The following FYB2 variants were observed in gnomAD, a reference collection of about 807,000 sequenced individuals.
FYB2 encodes the protein FYN binding protein 2, also known as FYN-binding protein 2.
In FYB2, 103 loss-of-function variants were observed where a neutral mutation model predicts 94.1. The ratio of observed to expected loss-of-function variants is 1.09; its 90% confidence interval spans 0.93 to 1.29. The LOEUF (loss-of-function observed/expected upper bound fraction) is 1.29. FYB2 is among the 50% of genes most tolerant of loss of function. The pLI, the probability that FYB2 is intolerant of heterozygous loss-of-function variation, is 0.00. For missense variants in FYB2, 896 were observed against 841.5 expected (o/e 1.06, Z -0.80); for synonymous variants, 293 against 287.9 (o/e 1.02, Z -0.18).
chr1:56,726,824 T>C (rs1268894160), intron 15 of FYB2, among the ~76,000 whole-genome samples: 1 of 152,106 alleles, frequency 6.6e-6, no homozygotes, highest in Non-Finnish European at 1.5e-5. Flanking sequence ...TGGCAGGCCA[T>C]ATTTGGTCCT....
chr1:56,787,299 T>C (rs776327964), intron 3 of FYB2, 91 bp from the exon 4 acceptor site: 406 of 1,479,912 alleles, frequency 2.7e-4, no homozygotes, highest in Non-Finnish European at 3.7e-4. Flanking sequence ...ATCCCACAGA[T>C]AATGTGGAGA....
At chr1:56,785,154 C>T (rs534100723) in intron 4 of FYB2, among the ~76,000 whole-genome samples, 1 of 152,278 alleles carries the variant, frequency 6.6e-6, no homozygotes, top group East Asian at 1.9e-4. Flanking sequence ...ACTAATGGGC[C>T]ATCACAGCAA....
At chr1:56,784,828 T>C (rs899367958) in intron 4 of FYB2, among the ~76,000 whole-genome samples, 15 of 152,152 alleles carry the variant, frequency 9.9e-5, no homozygotes, top group African/African-American at 3.6e-4. Flanking sequence ...ACGGTGTTTA[T>C]ATCAGGGAAC....
In FYB2 at chr1:56,720,174, T is replaced by A. The variant is rs780116211; in HGVS notation, c.2130A>T (p.Lys710Asn). ...TGAAAGATAAGCAAATAAACTTACA[T>A]TTGCCTTTAGAATTACGACATATCA... is the stretch of plus-strand genomic sequence containing the variant. ...NLVICRNSKGKYGYVLIEHLD... is the reference protein window; with the variant it reads ...NLVICRNSKGNYGYVLIEHLD... Residue 710 changes from lysine to asparagine, a missense_variant and splice_region_variant, in exon 18 of 20, where the codon AAA (lysine) becomes AAT (asparagine). Transcript: ENST00000343433. 10 of 1,605,736 alleles carry A rather than the reference T, an allele frequency of 6.2e-6. No individual in the cohort carries two copies. Among genetic ancestry groups the A allele is most frequent in the Admixed American group, 3.4e-5 (2 of 58,554 alleles).
chr1:56,815,376 C>G (rs536230382), intron 1 of FYB2, among the ~76,000 whole-genome samples: 2 of 152,240 alleles, frequency 1.3e-5, no homozygotes, highest in Admixed American at 6.5e-5. Flanking sequence ...AAAGCTTGTG[C>G]CTTCCTCCAT....
chr1:56,754,629 T>C (rs857108), intron 7 of FYB2, among the ~76,000 whole-genome samples: 114,760 of 152,036 alleles, frequency 0.75, 44,572 homozygotes, highest in East Asian at 0.94. Flanking sequence ...AGCTGGTTTT[T>C]GCACCTCACT....
rs772174303 is a variant in FYB2 at position 56,792,779 on chromosome 1, G to A, written c.34C>T (p.Leu12Phe). Residue 12 changes from leucine (L) to phenylalanine (F), a missense_variant, in exon 2 of 20, where the codon CTT (leucine) becomes TTT (phenylalanine). Transcript: ENST00000343433. ...EGEGVRNFKE[L>F]RAKFQNLDAP... ...TCAAGATTTTGAAATTTGGCTCGAAGTTCCTTGAAGTTTCTTACCCCTTCC... is the reference window on the plus strand; with the variant it reads ...TCAAGATTTTGAAATTTGGCTCGAAATTCCTTGAAGTTTCTTACCCCTTCC... 1 of 1,612,482 alleles carries A rather than the reference G, an allele frequency of 6.2e-7. No individual in the cohort carries two copies. Among genetic ancestry groups the A allele is most frequent in the East Asian group, 2.2e-5 (1 of 44,846 alleles).
At chr1:56,763,898 A>T (rs1227027380) in intron 5 of FYB2, among the ~76,000 whole-genome samples, 1 of 150,254 alleles carries the variant, frequency 6.7e-6, no homozygotes, top group Non-Finnish European at 1.5e-5. Context: ...TCTTCGCGAG[A>T]TTGCATTTCT....
intron 1 of FYB2, among the ~76,000 whole-genome samples, chr1:56,799,570 TG>T (rs560853719): frequency 7.2e-5 from 11 of 152,346 alleles, no homozygotes; most frequent in African/African-American, 2.4e-4. Flanking sequence ...CCATGTATCT[TG>T]GGTTTTTCAA....
At chr1:56,727,418 G>A (rs6702165) in intron 15 of FYB2, among the ~76,000 whole-genome samples, 47,422 of 151,740 alleles carry the variant, frequency 0.31, 7,800 homozygotes, top group Admixed American at 0.48. Context: ...ATTTGTAAGG[G>A]CCCCAAATTA....
intron 8 of FYB2, among the ~76,000 whole-genome samples, chr1:56,751,959 A>G (rs779354479): frequency 9.2e-5 from 14 of 152,002 alleles, no homozygotes; most frequent in Non-Finnish European, 1.3e-4. Context: ...CGAAAAGCAG[A>G]TTTTATTAAA....
At chr1:56,757,729 T>TC (rs1313225554) in intron 6 of FYB2, among the ~76,000 whole-genome samples, 1 of 121,522 alleles carries the variant, frequency 8.2e-6, no homozygotes, top group Non-Finnish European at 1.7e-5. Flanking sequence ...TTTCTTTCTT[T>TC]CTTTCATTCT....
rs149466635 is a variant in FYB2 at position 56,720,021 on chromosome 1, C to G, written c.2165+1G>C. On this transcript the variant is annotated splice_donor_variant, in intron 19 of 19. Transcript: ENST00000343433. LOFTEE classifies it high-confidence loss of function. Reference sequence around the variant, plus strand: ...TTAAAGTATAAAATCAAACAGCTTACTTGAAATCTAGATGTTCAATGAGCA... The same window carrying G: ...TTAAAGTATAAAATCAAACAGCTTAGTTGAAATCTAGATGTTCAATGAGCA... 1.3e-6 allele frequency: 2 copies of G among 1,597,888 alleles called. No individual in the cohort carries two copies. The highest frequency in any genetic ancestry group is 2.7e-5 in the African/African-American group (2 of 74,074).
At chr1:56,822,008 G>T (rs909866092), upstream of FYB2, among the ~76,000 whole-genome samples, 2 of 152,096 alleles carry the variant, frequency 1.3e-5, no homozygotes, top group Non-Finnish European at 2.9e-5. Context: ...AAGGTGCTTT[G>T]GTGACCTCCT....
intron 6 of FYB2, among the ~76,000 whole-genome samples, chr1:56,757,727 TTTCTTTCA>T (rs751802345): frequency 0.036 from 4,205 of 116,786 alleles, 176 homozygotes; most frequent in East Asian, 0.077. Flanking sequence ...TCTTTCTTTC[TTTCTTTCA>T]TTCTTTCTTT....
chr1:56,760,134 A>G (rs1410652676), intron 5 of FYB2, among the ~76,000 whole-genome samples: 1 of 151,846 alleles, frequency 6.6e-6, no homozygotes, highest in Non-Finnish European at 1.5e-5. Flanking sequence ...GACATTGTAT[A>G]GAAAATGGCA....
intron 5 of FYB2, among the ~76,000 whole-genome samples, chr1:56,765,155 A>G (rs2100794461): frequency 1.3e-5 from 2 of 152,302 alleles, no homozygotes; most frequent in Middle Eastern, 6.8e-3. Flanking sequence ...TTCTGCTGAT[A>G]ACATCTTAGC....
chr1:56,794,001 T>G (rs1891413), intron 1 of FYB2, among the ~76,000 whole-genome samples: 149,651 of 152,308 alleles, frequency 0.98, 73,564 homozygotes, highest in Middle Eastern at 1. Flanking sequence ...ACAGTAGCAG[T>G]ATTAGGGCCA....
chr1:56,813,182 C>G (rs1226153000), intron 1 of FYB2, among the ~76,000 whole-genome samples: 4 of 152,226 alleles, frequency 2.6e-5, no homozygotes, highest in African/African-American at 9.6e-5. Flanking sequence ...TAACCCTACT[C>G]ATGAACTCAC....
Sources: gnomAD v4.1 joint callset for allele counts (sites outside exome capture counted in the v4.1 genomes callset) on GRCh38, gnomAD v4.1.1 for gene constraint, MANE v1.5 for transcripts, NCBI Gene and HGNC (gene_info 2026-07-23, HGNC 2026-07-21) for gene names.